USP25: variants seen among roughly 807,000 people sequenced by gnomAD.
USP25 encodes ubiquitin specific peptidase 25.
In USP25, 85 loss-of-function variants were observed where a neutral mutation model predicts 158.5. The ratio of observed to expected loss-of-function variants is 0.54; its 90% CI spans 0.45 to 0.64. USP25 has a LOEUF of 0.64. Ranked by LOEUF, USP25 falls within the 30% of genes least tolerant of loss-of-function variation. The pLI, the probability that USP25 is intolerant of heterozygous loss-of-function variation, is 0.00. For synonymous variants in USP25, 464 were observed against 460.4 expected, an observed-to-expected ratio of 1.01 and a Z score of -0.10; for missense variants, 1,242 against 1,327.3, an observed-to-expected ratio of 0.94 and a Z score of 1.00.
At chr21:15,738,739 T>C (rs1380900636) in intron 1 of USP25, among the ~76,000 whole-genome samples, 3 of 151,984 alleles carry the variant, frequency 2.0e-5, no homozygotes, top group Non-Finnish European at 2.9e-5. Flanking sequence ...AAAGAAAAAG[T>C]AAAAACTAAA....
chr21:15,848,046 G>C (rs1314065448), intron 19 of USP25, among the ~76,000 whole-genome samples: 2 of 152,114 alleles, frequency 1.3e-5, no homozygotes, highest in African/African-American at 4.8e-5. Context: ...TTTACTTCCA[G>C]GTTGGCAGAT....
intron 5 of USP25, among the ~76,000 whole-genome samples, chr21:15,794,027 C>T (rs1243384330): frequency 6.6e-6 from 1 of 151,430 alleles, no homozygotes; most frequent in Admixed American, 6.6e-5. Context: ...TTGGAACTTA[C>T]TCAAATTGTG....
intron 4 of USP25, among the ~76,000 whole-genome samples, chr21:15,790,484 A>G (rs1438713637): frequency 6.6e-6 from 1 of 152,030 alleles, no homozygotes; most frequent in African/African-American, 2.4e-5. Context: ...TTAATCTGAT[A>G]GGATAAAATC....
rs144705940 is a variant in USP25 at position 15,870,919 on chromosome 21, G to A, written c.2885+772G>A. 2.1e-3 allele frequency among the ~76,000 whole-genome samples: 318 copies of A among 152,124 alleles called. 2 individuals are homozygous for A. The highest frequency in any genetic ancestry group is 7.5e-3 in the African/African-American group (312 of 41,508). Reference sequence around the variant, plus strand: ...CTGGAGCTATGCTGTCCAACATAGCGGCCACCTGACAAAACTTAAATAACT... The same window carrying A: ...CTGGAGCTATGCTGTCCAACATAGCAGCCACCTGACAAAACTTAAATAACT... On this transcript the variant is annotated intron_variant, in intron 23 of 25. Transcript: ENST00000400183.
chr21:15,854,950 G>A lies in USP25; in HGVS notation c.2547+5078G>A, dbSNP rs564894508. 2.2e-3 allele frequency among the ~76,000 whole-genome samples: 335 copies of A among 152,238 alleles called. 1 individual carries two copies. Among genetic ancestry groups the A allele is most frequent in the Middle Eastern group, 6.8e-3 (2 of 294 alleles). ...AAATCCCCAAATAATAGTGGCTTAC[G>A]GAGAGAAGATTCTGTTGTGTAAAAA... is the stretch of plus-strand genomic sequence containing the variant. On this transcript the variant is annotated intron_variant, in intron 20 of 25. Transcript: ENST00000400183.
At chr21:15,828,870 C>T (rs1257449773) in intron 14 of USP25, among the ~76,000 whole-genome samples, 1 of 152,130 alleles carries the variant, frequency 6.6e-6, no homozygotes, top group Non-Finnish European at 1.5e-5. Context: ...ATCTCTTGAC[C>T]TTGTTATCCG....
chr21:15,753,718 G>T (rs1324234114), intron 1 of USP25, among the ~76,000 whole-genome samples: 2 of 149,250 alleles, frequency 1.3e-5, no homozygotes, highest in African/African-American at 4.9e-5. Flanking sequence ...AAAAAAAAAA[G>T]GCTTCTCTTT....
rs1600873990 is a variant in USP25 at position 15,776,433 on chromosome 21, A to G, written c.269-1471A>G. ...TACTATTTGGAGAACGTGTGGATAA[A>G]AATAGAAGTAGACTCTGGAAAATAT... On this transcript the variant is annotated intron_variant, in intron 3 of 25. Transcript: ENST00000400183. 3.3e-5 allele frequency among the ~76,000 whole-genome samples: 5 copies of G among 152,194 alleles called. No individual in the cohort carries two copies. The South Asian group carries it at 1.0e-3, about 32-fold the overall frequency.
intron 5 of USP25, among the ~76,000 whole-genome samples, chr21:15,792,384 T>C (rs1256911782): frequency 6.6e-6 from 1 of 151,708 alleles, no homozygotes; most frequent in Non-Finnish European, 1.5e-5. Context: ...TGCAAAACTT[T>C]AAAACAATTT....
intron 24 of USP25, 28 bp from the exon 25 acceptor site, chr21:15,877,768 T>TC: frequency 6.7e-7 from 1 of 1,489,048 alleles, no homozygotes; most frequent in Non-Finnish European, 9.1e-7. Context: ...AAAAACCTAT[T>TC]CTTTTTTTTT....
At chr21:15,787,681 T>C (rs2035354653) in intron 4 of USP25, among the ~76,000 whole-genome samples, 1 of 152,120 alleles carries the variant, frequency 6.6e-6, no homozygotes, top group African/African-American at 2.4e-5. Flanking sequence ...GTTAGTTTTG[T>C]TTTTGCTTTT....
intron 20 of USP25, among the ~76,000 whole-genome samples, chr21:15,853,930 T>C (rs1367262785): frequency 6.6e-6 from 1 of 152,206 alleles, no homozygotes; most frequent in East Asian, 1.9e-4. Flanking sequence ...CATTCCATAG[T>C]TATTGGCATG....
chr21:15,792,969 G>C (rs2123626240), intron 5 of USP25, among the ~76,000 whole-genome samples: 1 of 151,680 alleles, frequency 6.6e-6, no homozygotes, highest in African/African-American at 2.4e-5. Context: ...CTAAAATATT[G>C]ATACCTTAGA....
At position 15,878,613 on chromosome 21, in the gene USP25, A is replaced by AAAGTCTG; in HGVS notation, c.*138_*139insAAGTCTG. The AAAGTCTG allele has an allele frequency of 2.2e-6, 2 of 924,020 alleles. No homozygotes were observed. Among genetic ancestry groups the AAAGTCTG allele is most frequent in the Non-Finnish European group, 3.0e-6 (2 of 661,392 alleles). The allele number at this position is 924,020 out of a possible 1,614,324, so 57.2% of individuals were successfully genotyped here. On this transcript the variant is annotated 3_prime_UTR_variant, in exon 26 of 26. Transcript: ENST00000400183. ...AATAACTGCAAAAGACAAAATGACT[A>AAAGTCTG]TACAGACTTTAGTCAGACTGCAGAC...
At chr21:15,764,448 AG>A (rs1211068705) in intron 2 of USP25, among the ~76,000 whole-genome samples, 13 of 151,888 alleles carry the variant, frequency 8.6e-5, no homozygotes, top group Non-Finnish European at 1.9e-4. Flanking sequence ...ACCAGTAGCT[AG>A]GGGAAAAGAG....
chr21:15,772,846 A>G (rs1005258013), intron 3 of USP25, among the ~76,000 whole-genome samples: 2 of 152,102 alleles, frequency 1.3e-5, no homozygotes, highest in Non-Finnish European at 2.9e-5. Flanking sequence ...TGCATTTGAT[A>G]TGTGAGGCAT....
At chr21:15,788,493 G>T (rs1248386059) in intron 4 of USP25, among the ~76,000 whole-genome samples, 1 of 152,054 alleles carries the variant, frequency 6.6e-6, no homozygotes, top group Non-Finnish European at 1.5e-5. Context: ...TTGCTCTAGA[G>T]GTAAAGCAAA....
In USP25 at chr21:15,879,718, A is replaced by G. The variant is rs911768703; in HGVS notation, c.*1243A>G. The G allele has an allele frequency of 3.9e-5, 6 of 152,616 alleles. No homozygotes were observed. Among genetic ancestry groups the G allele is most frequent in the Non-Finnish European group, 7.4e-5 (5 of 67,994 alleles). 9.5% of individuals were successfully genotyped at this position (152,616 alleles called of 1,614,324 possible). On this transcript the variant is annotated 3_prime_UTR_variant, in exon 26 of 26. Transcript: ENST00000400183. ...TAAAATAGACCATTATACTATGTGT[A>G]TGTTTGATACAGCGTCGCCAAAACT...
intron 4 of USP25, among the ~76,000 whole-genome samples, chr21:15,779,972 A>G (rs1568794185): frequency 6.6e-6 from 1 of 152,116 alleles, no homozygotes; most frequent in Non-Finnish European, 1.5e-5. Flanking sequence ...GGAAAAGAGG[A>G]TGTGGAGAGT....
Sources: gnomAD v4.1 joint callset for allele counts (sites outside exome capture counted in the v4.1 genomes callset) on GRCh38, gnomAD v4.1.1 for gene constraint, MANE v1.5 for transcripts, NCBI Gene and HGNC (gene_info 2026-07-23, HGNC 2026-07-21) for gene names.